Variants in SPOCK3 observed in about 807,000 individuals in gnomAD.
SPOCK3 encodes the protein SPARC (osteonectin), cwcv and kazal like domains proteoglycan 3.
SPOCK3 carries 30 observed loss-of-function variants against 56.6 expected under a neutral mutation model. The observed-to-expected ratio is 0.53, with a 90% CI of 0.40 to 0.72. The LOEUF (loss-of-function observed/expected upper bound fraction) is 0.72. SPOCK3 is among the 30% of genes least tolerant of loss of function. The pLI is 0.00. For missense variants in SPOCK3, 527 were observed against 530.0 expected (o/e 0.99, Z 0.06); for synonymous variants, 196 against 183.3 (o/e 1.07, Z -0.56).
chr4:166,743,257 C>T (rs939274569), intron 8 of SPOCK3, among the ~76,000 whole-genome samples: 1 of 151,594 alleles, frequency 6.6e-6, no homozygotes, highest in Non-Finnish European at 1.5e-5. Flanking sequence ...ATCTTATTGT[C>T]CCATGGTACA....
At chr4:167,056,244 C>T (rs1436581403) in intron 3 of SPOCK3, among the ~76,000 whole-genome samples, 1 of 152,214 alleles carries the variant, frequency 6.6e-6, no homozygotes, top group Non-Finnish European at 1.5e-5. Flanking sequence ...GCTGAGGGTC[C>T]TGCCTGTTAG....
At chr4:166,953,099 T>G (rs1032524094) in intron 4 of SPOCK3, among the ~76,000 whole-genome samples, 1 of 151,542 alleles carries the variant, frequency 6.6e-6, no homozygotes. Flanking sequence ...CTAATTAAAC[T>G]AAAGAGCTTC....
chr4:167,033,577 C>G (rs142237482), intron 3 of SPOCK3, among the ~76,000 whole-genome samples: 20 of 151,902 alleles, frequency 1.3e-4, no homozygotes, highest in African/African-American at 4.3e-4. Context: ...ATCACTCTAG[C>G]AAATCAGTAA....
chr4:167,207,030 T>C (rs187665430), intron 2 of SPOCK3, among the ~76,000 whole-genome samples: 65 of 152,192 alleles, frequency 4.3e-4, no homozygotes, highest in Non-Finnish European at 7.2e-4. Context: ...TCACTATGTA[T>C]TGTATGTATT....
intron 7 of SPOCK3, among the ~76,000 whole-genome samples, chr4:166,769,255 G>C (rs538298399): frequency 6.2e-4 from 95 of 152,298 alleles, no homozygotes; most frequent in African/African-American, 2.1e-3. Context: ...TGGAGGGGGA[G>C]AGGTGCTCTG....
At chr4:166,822,635 T>G (rs2126766133) in intron 6 of SPOCK3, among the ~76,000 whole-genome samples, 1 of 152,068 alleles carries the variant, frequency 6.6e-6, no homozygotes, top group East Asian at 1.9e-4. Flanking sequence ...CTCCGTACAC[T>G]CCAAGCTGTC....
At position 167,038,663 on chromosome 4, in the gene SPOCK3, CAAAAA is replaced by C. The variant is rs558863795; in HGVS notation, c.235+23824_235+23828del. Among the ~76,000 whole-genome samples, 8 of 107,986 alleles carry C rather than the reference CAAAAA, an allele frequency of 7.4e-5. No homozygotes were observed. In the South Asian group the frequency reaches 9.9e-4, roughly 13 times the overall value. The allele number at this position is 107,986 out of a possible 152,430, so 70.8% of individuals were successfully genotyped here. A position where few individuals can be genotyped will look rare whatever the true frequency, so the allele number is the denominator to read the frequency against. On this transcript the variant is annotated intron_variant, in intron 3 of 10. Coordinates refer to ENST00000357545, the MANE Select transcript of SPOCK3 (RefSeq NM_001040159.2). ...TGGTGCATGTTTTGTTTATTTTTTCCAAAAAAAAAAAAAAAAAAAAAAATCAGAAT... is the reference window on the plus strand; with the variant it reads ...TGGTGCATGTTTTGTTTATTTTTTCCAAAAAAAAAAAAAAAAAATCAGAAT...
chr4:166,817,921 T>A (rs1327647634), intron 6 of SPOCK3, among the ~76,000 whole-genome samples: 1 of 152,086 alleles, frequency 6.6e-6, no homozygotes, highest in Non-Finnish European at 1.5e-5. Context: ...GTGTCTGGTC[T>A]TGTTCTTAAC....
chr4:167,078,279 G>A (rs1164885281), intron 2 of SPOCK3, among the ~76,000 whole-genome samples: 1 of 147,456 alleles, frequency 6.8e-6, no homozygotes, highest in East Asian at 2.1e-4. Flanking sequence ...ATAGGTAAAT[G>A]TATACCTATG....
intron 2 of SPOCK3, among the ~76,000 whole-genome samples, chr4:167,139,307 A>T (rs1763347844): frequency 6.6e-6 from 1 of 152,056 alleles, no homozygotes; most frequent in Non-Finnish European, 1.5e-5. Context: ...TTATTTACTC[A>T]GCTGAAACAT....
At chr4:166,913,616 C>A (rs1306983778) in intron 4 of SPOCK3, among the ~76,000 whole-genome samples, 1 of 151,876 alleles carries the variant, frequency 6.6e-6, no homozygotes, top group East Asian at 1.9e-4. Context: ...TTTCTTTTTG[C>A]TTTTTGTTTT....
chr4:167,049,186 C>A (rs962520577), intron 3 of SPOCK3, among the ~76,000 whole-genome samples: 4 of 151,316 alleles, frequency 2.6e-5, no homozygotes, highest in Non-Finnish European at 5.9e-5. Context: ...CTCACTGCAA[C>A]CTCTGCCTCC....
At chr4:166,928,330 G>A (rs896427660) in intron 4 of SPOCK3, among the ~76,000 whole-genome samples, 7 of 152,128 alleles carry the variant, frequency 4.6e-5, no homozygotes, top group African/African-American at 9.7e-5. Flanking sequence ...CAAGCAACAC[G>A]TCCTTCAGTA....
At chr4:166,955,612 T>C (rs1026352236) in intron 4 of SPOCK3, among the ~76,000 whole-genome samples, 1 of 145,620 alleles carries the variant, frequency 6.9e-6, no homozygotes. Flanking sequence ...TCAAATTAGA[T>C]TAAATTTAAT....
At chr4:167,062,659 G>T in intron 2 of SPOCK3, 122 bp from the exon 3 acceptor site, 1 of 644,968 alleles carries the variant, frequency 1.6e-6, no homozygotes, top group Non-Finnish European at 2.8e-6. Flanking sequence ...TCCTGCAATG[G>T]CAAGCAGCAA....
intron 2 of SPOCK3, among the ~76,000 whole-genome samples, chr4:167,156,390 G>A (rs1220497590): frequency 1.3e-5 from 2 of 152,128 alleles, no homozygotes; most frequent in Non-Finnish European, 2.9e-5. Flanking sequence ...CAATTATGTT[G>A]TAACAACTGA....
chr4:166,836,028 TTC>T (rs1485745470), intron 6 of SPOCK3, among the ~76,000 whole-genome samples: 4 of 152,008 alleles, frequency 2.6e-5, no homozygotes, highest in Non-Finnish European at 5.9e-5. Flanking sequence ...ACACAAAAAA[TTC>T]TGTTTTACTA....
chr4:166,981,150 G>A (rs1480660264), intron 4 of SPOCK3, among the ~76,000 whole-genome samples: 2 of 151,856 alleles, frequency 1.3e-5, no homozygotes, highest in African/African-American at 4.8e-5. Flanking sequence ...TCAGCCCAGA[G>A]GAGACCCATA....
rs189909008 is a variant in SPOCK3, at chr4:166,781,498, A to T, written c.709+10672T>A. 1.1e-3 allele frequency among the ~76,000 whole-genome samples: 173 copies of T among 152,220 alleles called. 1 individual carries two copies. The highest frequency in any genetic ancestry group is 4.0e-3 in the African/African-American group (168 of 41,550). On this transcript the variant is annotated intron_variant, in intron 7 of 10. Transcript: ENST00000357545. ...GAAGGTGAAAAGGAGTAGGAGGAAAACAGAACTTAATAGAGCTGTGGTTAT... is the reference window on the plus strand; with the variant it reads ...GAAGGTGAAAAGGAGTAGGAGGAAATCAGAACTTAATAGAGCTGTGGTTAT...
Sources: allele counts gnomAD v4.1 joint callset (sites outside exome capture counted in the v4.1 genomes callset), GRCh38; gene constraint gnomAD v4.1.1; transcripts MANE v1.5; gene names NCBI Gene and HGNC (gene_info 2026-07-23, HGNC 2026-07-21).